The following AGL variants were observed in gnomAD, a reference collection of about 807,000 sequenced individuals.
AGL encodes glycogen debranching enzyme.
AGL carries 128 observed loss-of-function variants against 199.3 expected under a neutral mutation model. The ratio of observed to expected loss-of-function variants is 0.64; its 90% CI spans 0.56 to 0.74. AGL has a LOEUF of 0.74. Among genes scored for constraint, AGL ranks in the 30% least tolerant of loss-of-function variants. AGL has a pLI of 0.00. For synonymous variants in AGL, 584 were observed against 594.7 expected (o/e 0.98, Z 0.26); for missense variants, 1,809 against 1,820.8 (o/e 0.99, Z 0.12).
Position 99,875,141 on chromosome 1 carries a change from C to T in AGL, c.1083-13C>T. ...CATTAAATATTATATCTGCATTTCT[C>T]CATCTGCTCTAGCAAGGGGCCAGCA... On this transcript the variant is annotated splice_polypyrimidine_tract_variant and intron_variant, in intron 8 of 33. Transcript: ENST00000361915. The T allele has an allele frequency of 6.2e-7, 1 of 1,604,834 alleles. No homozygotes were observed. The highest frequency in any genetic ancestry group is 8.5e-7 in the Non-Finnish European group (1 of 1,171,812).
At chr1:99,878,397 A>C (rs1651733768) in intron 12 of AGL, among the ~76,000 whole-genome samples, 1 of 151,992 alleles carries the variant, frequency 6.6e-6, no homozygotes, top group African/African-American at 2.4e-5. Context: ...ACATTATAGC[A>C]TATTGAAGCC....
At chr1:99,874,987 T>A (rs1030361427) in intron 8 of AGL, among the ~76,000 whole-genome samples, 167 bp from the exon 9 acceptor site, 5 of 152,248 alleles carry the variant, frequency 3.3e-5, no homozygotes, top group Non-Finnish European at 7.3e-5. Flanking sequence ...GTGGGCCATG[T>A]TTCTATATGT....
At chr1:99,887,846 A>T in intron 20 of AGL, 132 bp from the exon 21 acceptor site, 2 of 991,172 alleles carry the variant, frequency 2.0e-6, no homozygotes, top group African/African-American at 1.6e-5. Flanking sequence ...TATAATGTTT[A>T]TTTGAATGCT....
intron 17 of AGL, 50 bp downstream of exon 17, chr1:99,881,741 A>G: frequency 7.0e-7 from 1 of 1,423,802 alleles, no homozygotes. Context: ...TTATTATATT[A>G]AATTATACTG....
chr1:99,890,158 G>A (rs899237100), intron 21 of AGL, among the ~76,000 whole-genome samples: 1 of 151,928 alleles, frequency 6.6e-6, no homozygotes. Flanking sequence ...CTCTATTCTA[G>A]GACTAAGTCC....
At chr1:99,856,474 C>A (rs1343029470) in intron 2 of AGL, among the ~76,000 whole-genome samples, 1 of 147,950 alleles carries the variant, frequency 6.8e-6, no homozygotes, top group African/African-American at 2.5e-5. Context: ...ATTGATCATT[C>A]TTGGGTGTTT....
rs202105587 is a variant in AGL at position 99,875,264 on chromosome 1, T to C, written c.1185+8T>C. The C allele has an allele frequency of 2.1e-5, 34 of 1,613,392 alleles. No individual in the cohort carries two copies. The highest frequency in any genetic ancestry group is 1.6e-4 in the Middle Eastern group (1 of 6,084). Reference sequence around the variant, plus strand: ...AACTATCATCAGGAACAGGTTTTACTTATTTTTGAACTGCTGCTTTTCCTT... The same window carrying C: ...AACTATCATCAGGAACAGGTTTTACCTATTTTTGAACTGCTGCTTTTCCTT... On this transcript the variant is annotated splice_region_variant and intron_variant, in intron 9 of 33. Coordinates refer to ENST00000361915, the MANE Select transcript of AGL (RefSeq NM_000642.3).
At chr1:99,867,114 C>T (rs1348085966) in intron 5 of AGL, among the ~76,000 whole-genome samples, 2 of 152,156 alleles carry the variant, frequency 1.3e-5, no homozygotes, top group Admixed American at 1.3e-4. Flanking sequence ...CCACTGTGCC[C>T]AGCCAGTTTT....
intron 27 of AGL, 110 bp downstream of exon 27, chr1:99,902,904 A>G: frequency 2.4e-6 from 2 of 837,064 alleles, no homozygotes; most frequent in Admixed American, 4.3e-5. Flanking sequence ...TATAATGATT[A>G]AAAAGATTAA....
chr1:99,865,259 CTA>C (rs1193538547), intron 5 of AGL, among the ~76,000 whole-genome samples: 1 of 152,168 alleles, frequency 6.6e-6, no homozygotes, highest in Admixed American at 6.5e-5. Context: ...GGGGACTACT[CTA>C]TTAATCCTTT....
chr1:99,852,278 A>T (rs1460324989), intron 2 of AGL, among the ~76,000 whole-genome samples: 4 of 150,286 alleles, frequency 2.7e-5, no homozygotes, highest in Admixed American at 1.3e-4. Context: ...GTAGATCTAG[A>T]GCCAGAATTC....
chr1:99,915,991 A>G (rs571055632), intron 31 of AGL, among the ~76,000 whole-genome samples: 1 of 152,290 alleles, frequency 6.6e-6, no homozygotes, highest in African/African-American at 2.4e-5. Flanking sequence ...AAGCTTAAAA[A>G]TCACCTTTCC....
intron 7 of AGL, 22 bp from the exon 8 acceptor site, chr1:99,874,665 T>C: frequency 6.2e-7 from 1 of 1,600,456 alleles, no homozygotes; most frequent in Non-Finnish European, 8.6e-7. Context: ...GCATTTAAGG[T>C]ATCGTCTTTT....
intron 2 of AGL, among the ~76,000 whole-genome samples, chr1:99,857,089 C>A (rs899617140): frequency 7.3e-5 from 11 of 151,658 alleles, no homozygotes; most frequent in African/African-American, 2.4e-4. Context: ...CACCTCCCTC[C>A]CGGACGGGGC....
chr1:99,851,919 A>G (rs554996689), intron 2 of AGL, among the ~76,000 whole-genome samples: 3 of 152,356 alleles, frequency 2.0e-5, no homozygotes, highest in East Asian at 1.9e-4. Flanking sequence ...CACACATACA[A>G]TGTGATATCT....
Position 99,881,313 on chromosome 1 carries a change from C to T in AGL, c.2023C>T (p.Arg675Trp), listed in dbSNP as rs765749454. 4 of 1,613,918 alleles carry T rather than the reference C, an allele frequency of 2.5e-6. No individual in the cohort carries two copies. The highest frequency in any genetic ancestry group is 1.1e-5 in the South Asian group (1 of 91,090). ...CCAGATTTCAGTGGTTTCTGAAGAA[C>T]GGTTTTACACTAAGTGGAATCCTGA... is the stretch of plus-strand genomic sequence containing the variant. Reference protein sequence around the residue: ...PHQISVVSEERFYTKWNPEAL... With the variant: ...PHQISVVSEEWFYTKWNPEAL... The change falls in exon 16 of 34, where the codon CGG becomes TGG. Residue 675 changes from arginine to tryptophan, a missense_variant. Arg to Trp is a moderately radical substitution (Grantham distance 101). Transcript: ENST00000361915.
In AGL at chr1:99,913,686, G is replaced by A; in HGVS notation, c.4109G>A (p.Ser1370Asn). Residue 1370 changes from serine to asparagine, a missense_variant, in exon 30 of 34, where the codon AGT becomes AAT. Coordinates refer to ENST00000361915, the MANE Select transcript of AGL (RefSeq NM_000642.3). Reference sequence around the variant, plus strand: ...TACAAAGATAGTTATGGAGCTTCAAGTCCTTGGTGTGACTATCAGCTCAGG... The same window carrying A: ...TACAAAGATAGTTATGGAGCTTCAAATCCTTGGTGTGACTATCAGCTCAGG... Reference protein sequence around the residue: ...GIYKDSYGASSPWCDYQLRPN... With the variant: ...GIYKDSYGASNPWCDYQLRPN... The A allele has an allele frequency of 3.1e-6, 5 of 1,614,124 alleles. No individual in the cohort carries two copies. Among genetic ancestry groups the A allele is most frequent in the Non-Finnish European group, 4.2e-6 (5 of 1,179,992 alleles).
At chr1:99,856,759 G>A (rs1330365604) in intron 2 of AGL, among the ~76,000 whole-genome samples, 1 of 152,168 alleles carries the variant, frequency 6.6e-6, no homozygotes, top group Non-Finnish European at 1.5e-5. Context: ...ACAGGGTTGG[G>A]GGTAAGGTCA....
intron 2 of AGL, among the ~76,000 whole-genome samples, chr1:99,857,850 G>GAGACCGTA (rs1649688821): frequency 3.2e-5 from 1 of 31,742 alleles, no homozygotes; most frequent in African/African-American, 1.3e-4. Flanking sequence ...GAGGGGGAGG[G>GAGACCGTA]GGGAAGAGGG....
Sources: allele counts gnomAD v4.1 joint callset (sites outside exome capture counted in the v4.1 genomes callset), GRCh38; gene constraint gnomAD v4.1.1; transcripts MANE v1.5; gene names NCBI Gene and HGNC (gene_info 2026-07-23, HGNC 2026-07-21).